The following DAB1 variants were observed in gnomAD, a reference collection of about 807,000 sequenced individuals.
The protein encoded by DAB1 is disabled homolog 1.
Under a neutral mutation model 64.6 loss-of-function variants are expected in DAB1, and 15 were observed. The ratio of observed to expected loss-of-function variants is 0.23; its 90% CI spans 0.16 to 0.36. The LOEUF is 0.36. Ranked by LOEUF, DAB1 falls within the 10% of genes least tolerant of loss-of-function variation. The pLI is 1.00. For synonymous variants in DAB1, 235 were observed against 251.9 expected (o/e 0.93, Z 0.64); for missense variants, 596 against 706.7 (o/e 0.84, Z 1.78).
intron 4 of DAB1, among the ~76,000 whole-genome samples, chr1:57,095,504 TCC>T (rs997356772): frequency 2.6e-5 from 4 of 152,160 alleles, no homozygotes; most frequent in Non-Finnish European, 4.4e-5. Context: ...ATACTTAGAC[TCC>T]CCATTTCAAA....
intron 4 of DAB1, among the ~76,000 whole-genome samples, chr1:58,332,073 T>C (rs1049527476): frequency 9.2e-5 from 14 of 152,198 alleles, no homozygotes; most frequent in African/African-American, 2.7e-4. Flanking sequence ...CCATATTGAC[T>C]GACTCCTGCA....
Position 57,262,956 on chromosome 1 carries a change from C to A in DAB1, c.67+28008G>T, listed in dbSNP as rs559380283. Among the ~76,000 whole-genome samples, 4 of 152,204 alleles carry A rather than the reference C, an allele frequency of 2.6e-5. No individual in the cohort carries two copies. In the East Asian group the frequency reaches 7.7e-4, roughly 29 times the overall value. ...AGTATTCCATGAGCACAACACATGG[C>A]AAACATTAAGGGTGTGGTGGTATAA... On this transcript the variant is annotated intron_variant, in intron 2 of 14. Transcript: ENST00000371236.
rs149869357 is a variant in DAB1 at position 57,555,015 on chromosome 1, C to T, written n.625+94577G>A. On this transcript the variant is annotated intron_variant and non_coding_transcript_variant, in intron 7 of 20. Transcript: ENST00000485760. ...CATTCATGTTAGAGCTCTCAATCTT[C>T]GGTATCTCTATTTTTTTTTTTTTTT... 8.3e-3 allele frequency among the ~76,000 whole-genome samples: 1,207 copies of T among 145,258 alleles called. 15 individuals carry two copies. The highest frequency in any genetic ancestry group is 0.029 in the African/African-American group (1,158 of 39,300).
chr1:58,223,100 T>C lies in DAB1; in HGVS notation n.310-72512A>G, dbSNP rs181402892. Among the ~76,000 whole-genome samples the C allele has an allele frequency of 2.8e-4, 43 of 152,336 alleles. No homozygotes were observed. In the East Asian group the frequency reaches 7.9e-3, roughly 28 times the overall value. On this transcript the variant is annotated intron_variant and non_coding_transcript_variant, in intron 4 of 20. Transcript: ENST00000485760. ...TTGTGATCTCTCCAAAGGTAGGCCA[T>C]GTCTTAATCCCAAGACCCACCAGCA... is the stretch of plus-strand genomic sequence containing the variant.
intron 2 of DAB1, among the ~76,000 whole-genome samples, chr1:57,267,820 A>G (rs1670702600): frequency 6.6e-6 from 1 of 152,154 alleles, no homozygotes; most frequent in Non-Finnish European, 1.5e-5. Context: ...ACAAGAACCA[A>G]ACCCCAACTT....
intron 1 of DAB1, among the ~76,000 whole-genome samples, chr1:57,319,538 C>T (rs1675516766): frequency 6.6e-6 from 1 of 152,106 alleles, no homozygotes; most frequent in African/African-American, 2.4e-5. Flanking sequence ...ACAAAACACC[C>T]CCTCCCCCAA....
intron 2 of DAB1, among the ~76,000 whole-genome samples, chr1:57,166,440 C>T (rs867204936): frequency 1.3e-5 from 2 of 152,210 alleles, no homozygotes; most frequent in East Asian, 1.9e-4. Flanking sequence ...AGAGTAGTAA[C>T]ACATAAACCT....
chr1:58,361,522 T>C (rs1328827588), intron 3 of DAB1, among the ~76,000 whole-genome samples: 1 of 151,716 alleles, frequency 6.6e-6, no homozygotes, highest in African/African-American at 2.4e-5. Flanking sequence ...GTTATATTTT[T>C]TTAAAGCTGA....
chr1:57,291,931 G>C (rs1378451000), intron 1 of DAB1, among the ~76,000 whole-genome samples: 1 of 152,124 alleles, frequency 6.6e-6, no homozygotes, highest in Non-Finnish European at 1.5e-5. Flanking sequence ...CTTAGCTACT[G>C]CTTCACATAT....
intron 6 of DAB1, among the ~76,000 whole-genome samples, chr1:57,686,377 G>T (rs970403385): frequency 3.9e-5 from 6 of 152,054 alleles, no homozygotes; most frequent in African/African-American, 1.4e-4. Flanking sequence ...ACAGATGATT[G>T]ACAAATTCCA....
At chr1:57,697,790 A>G (rs762403564) in intron 6 of DAB1, among the ~76,000 whole-genome samples, 2 of 152,142 alleles carry the variant, frequency 1.3e-5, no homozygotes, top group Non-Finnish European at 1.5e-5. Flanking sequence ...TCTGCAATCC[A>G]CGGCACTACT....
At chr1:57,498,339 T>C (rs1220021166) in intron 7 of DAB1, among the ~76,000 whole-genome samples, 1 of 152,072 alleles carries the variant, frequency 6.6e-6, no homozygotes, top group Non-Finnish European at 1.5e-5. Context: ...GGAGGAAGTA[T>C]GTGATGAGAA....
rs144347021 is a variant in DAB1 at position 57,015,041 on chromosome 1, C to T, written c.1286G>A (p.Arg429His). 94 of 1,613,688 alleles carry T rather than the reference C, an allele frequency of 5.8e-5. No individual in the cohort carries two copies. Among genetic ancestry groups the T allele is most frequent in the African/African-American group, 1.2e-4 (9 of 74,854 alleles). Residue 429 changes from arginine (R) to histidine (H), a missense_variant, in exon 12 of 15, where the codon CGC (arginine) becomes CAC (histidine). Arg to His is a conservative substitution (Grantham distance 29). Transcript: ENST00000371236. ...GGTGAGGGAGGGCTGGTCGGGTTTG[C>T]GGGAGGGCACGGGCGGAGGCTGGGC... ...QMAQPPPVPS[R>H]KPDQPSLTCT...
At chr1:58,053,553 C>T (rs1647849191) in intron 5 of DAB1, among the ~76,000 whole-genome samples, 1 of 152,156 alleles carries the variant, frequency 6.6e-6, no homozygotes, top group Non-Finnish European at 1.5e-5. Context: ...CAAACACCTT[C>T]CATTAGGCCC....
intron 5 of DAB1, among the ~76,000 whole-genome samples, chr1:58,072,238 C>T (rs1008582690): frequency 6.6e-6 from 1 of 152,132 alleles, no homozygotes. Context: ...TTGAGAAAGA[C>T]AAATATTGCC....
chr1:57,407,767 AGTGTGT>A (rs3991224), intron 1 of DAB1, among the ~76,000 whole-genome samples: 15,263 of 146,874 alleles, frequency 0.1, 1,049 homozygotes, highest in African/African-American at 0.19. Flanking sequence ...AGATATCTGA[AGTGTGT>A]GTGTGTGTGT....
intron 7 of DAB1, among the ~76,000 whole-genome samples, chr1:57,580,239 A>C (rs1270696037): frequency 6.6e-6 from 1 of 152,172 alleles, no homozygotes; most frequent in Non-Finnish European, 1.5e-5. Flanking sequence ...CCTGGGTCTC[A>C]AAACTATGAC....
intron 5 of DAB1, among the ~76,000 whole-genome samples, chr1:58,118,373 C>T (rs866615633): frequency 2.2e-4 from 32 of 142,296 alleles, no homozygotes; most frequent in African/African-American, 8.4e-4. Context: ...GAGTTAAAAC[C>T]ATCTCTCTAT....
intron 6 of DAB1, among the ~76,000 whole-genome samples, chr1:57,715,473 C>T (rs12085780): frequency 0.011 from 1,665 of 152,218 alleles, 27 homozygotes; most frequent in African/African-American, 0.039. Flanking sequence ...AATTTCCATA[C>T]AAATTGGGAA....
Sources: gnomAD v4.1 joint callset for allele counts (sites outside exome capture counted in the v4.1 genomes callset) on GRCh38, gnomAD v4.1.1 for gene constraint, MANE v1.5 for transcripts, NCBI Gene and HGNC (gene_info 2026-07-23, HGNC 2026-07-21) for gene names.